The following IL1RN variants were observed in gnomAD, a reference collection of about 807,000 sequenced individuals.
IL1RN encodes the protein interleukin-1 receptor antagonist protein.
Under a neutral mutation model 13.7 loss-of-function variants are expected in IL1RN, and 10 were observed. The ratio of observed to expected loss-of-function variants is 0.73; its 90% CI spans 0.45 to 1.24. IL1RN has a LOEUF of 1.24. Among genes scored for constraint, IL1RN ranks in the 50% most tolerant of loss-of-function variants. The pLI is 0.00. For synonymous variants in IL1RN, 102 were observed against 82.7 expected (o/e 1.23, Z -1.27); for missense variants, 213 against 222.1 (o/e 0.96, Z 0.26).
upstream of IL1RN, among the ~76,000 whole-genome samples, chr2:113,124,439 GC>G (rs4251999): frequency 0.43 from 65,508 of 150,976 alleles, 14,472 homozygotes; most frequent in East Asian, 0.66. Flanking sequence ...GTGATTGACA[GC>G]CCCCCCCCTT....
chr2:113,129,403 C>CCATTGTCAGCCTCAGTCTTCT (rs1222542893), intron 1 of IL1RN, among the ~76,000 whole-genome samples, 173 bp from the exon 2 acceptor site: 5 of 152,148 alleles, frequency 3.3e-5, no homozygotes, highest in African/African-American at 4.8e-5. Context: ...TGCCTCTTAA[C>CCATTGTCAGCCTCAGTCTTCT]CATTGTCAGC....
At chr2:113,131,020 G>T in intron 2 of IL1RN, 25 bp from the exon 3 acceptor site, 1 of 1,405,674 alleles carries the variant, frequency 7.1e-7, no homozygotes, top group South Asian at 1.1e-5. Flanking sequence ...CTATTAACCT[G>T]ACCCTCCCCT....
upstream of IL1RN, among the ~76,000 whole-genome samples, chr2:113,108,609 TC>T (rs896264032): frequency 6.6e-6 from 1 of 152,194 alleles, no homozygotes; most frequent in Non-Finnish European, 1.5e-5. Flanking sequence ...AACCTTAATT[TC>T]TTTTTTGCCA....
At chr2:113,120,896 G>A (rs1252676754) in intron 2 of IL1RN, among the ~76,000 whole-genome samples, 3 of 152,116 alleles carry the variant, frequency 2.0e-5, no homozygotes, top group South Asian at 2.1e-4. Context: ...AACTAAACTG[G>A]GTTTCAATCC....
upstream of IL1RN, among the ~76,000 whole-genome samples, chr2:113,105,640 C>G (rs1241417105): frequency 6.6e-6 from 1 of 152,114 alleles, no homozygotes; most frequent in African/African-American, 2.4e-5. Context: ...TTTGATCCCC[C>G]AGTTGGGTGA....
chr2:113,132,404 T>C (rs903797806), intron 3 of IL1RN, among the ~76,000 whole-genome samples: 5 of 152,146 alleles, frequency 3.3e-5, no homozygotes, highest in Admixed American at 2.6e-4. Flanking sequence ...GCCGAGATTG[T>C]GCCACTGCAC....
At chr2:113,132,272 C>A (rs1012051939) in intron 3 of IL1RN, among the ~76,000 whole-genome samples, 1 of 152,192 alleles carries the variant, frequency 6.6e-6, no homozygotes, top group East Asian at 1.9e-4. Flanking sequence ...CATGGTGAAA[C>A]CCTGTCTCTA....
intron 2 of IL1RN, among the ~76,000 whole-genome samples, chr2:113,130,516 C>G (rs1687133331): frequency 6.6e-6 from 1 of 152,244 alleles, no homozygotes; most frequent in South Asian, 2.1e-4. Context: ...TCCTATTGAC[C>G]TGGAGCACAG....
chr2:113,111,925 T>C (rs1686505517), intron 1 of IL1RN, among the ~76,000 whole-genome samples: 1 of 152,256 alleles, frequency 6.6e-6, no homozygotes, highest in Admixed American at 6.5e-5. Context: ...TAGGTGTAAG[T>C]TCATGGCCTT....
intron 1 of IL1RN, among the ~76,000 whole-genome samples, chr2:113,119,130 C>A (rs953682710): frequency 6.6e-5 from 10 of 152,204 alleles, no homozygotes; most frequent in Admixed American, 6.5e-4. Context: ...TCCTTGCACT[C>A]CTTTCTGGGT....
upstream of IL1RN, chr2:113,127,345 T>G: frequency 2.0e-6 from 1 of 509,366 alleles, no homozygotes; most frequent in Non-Finnish European, 2.5e-6. Context: ...TGTGCTCTTC[T>G]TCCCAGGAAC....
At chr2:113,123,791 G>T (rs1686861569), upstream of IL1RN, among the ~76,000 whole-genome samples, 1 of 152,174 alleles carries the variant, frequency 6.6e-6, no homozygotes, top group Non-Finnish European at 1.5e-5. Context: ...AAGAACTGTG[G>T]AGAATATACT....
chr2:113,123,011 G>C (rs1686830427), upstream of IL1RN, among the ~76,000 whole-genome samples: 1 of 152,194 alleles, frequency 6.6e-6, no homozygotes, highest in Admixed American at 6.5e-5. Context: ...TGTAATCCCA[G>C]CTACTCAGGA....
At chr2:113,127,895 A>C (rs1687019574) in intron 1 of IL1RN, among the ~76,000 whole-genome samples, 155 bp downstream of exon 1, 1 of 152,234 alleles carries the variant, frequency 6.6e-6, no homozygotes, top group East Asian at 1.9e-4. Context: ...TGTTACATGC[A>C]TGGGCTTCAG....
chr2:113,130,904 G>A (rs1687143326), intron 2 of IL1RN, 141 bp from the exon 3 acceptor site: 1 of 693,582 alleles, frequency 1.4e-6, no homozygotes, highest in Non-Finnish European at 2.6e-6. Flanking sequence ...CTGCAGACCA[G>A]GAAGATGAGA....
intron 3 of IL1RN, among the ~76,000 whole-genome samples, chr2:113,131,559 A>G (rs1449180751): frequency 6.6e-6 from 1 of 152,136 alleles, no homozygotes; most frequent in Non-Finnish European, 1.5e-5. Context: ...AGGAGACTGC[A>G]TAAGAGTGTG....
At chr2:113,108,314 G>T (rs373853645), upstream of IL1RN, among the ~76,000 whole-genome samples, 1 of 151,828 alleles carries the variant, frequency 6.6e-6, no homozygotes, top group Non-Finnish European at 1.5e-5. Flanking sequence ...CAACGTGCAG[G>T]TTTGTTACAT....
In IL1RN at chr2:113,118,147, G is replaced by A. The variant is rs565072791; in HGVS notation, c.10+119G>A. On this transcript the variant is annotated intron_variant, in intron 1 of 5. Transcript: ENST00000259206. ...GCAAGCGTCCAGGAAAATGTCAAGC[G>A]CATGGAGCTCCAGGCCTGTCTGGGG... 1.8e-4 allele frequency: 273 copies of A among 1,503,646 alleles called. 1 individual carries two copies. Among genetic ancestry groups the A allele is most frequent in the East Asian group, 2.7e-4 (12 of 44,106 alleles). 93.1% of individuals were successfully genotyped at this position (1,503,646 alleles called of 1,614,324 possible).
chr2:113,109,070 C>T (rs1350736130), upstream of IL1RN, among the ~76,000 whole-genome samples: 1 of 151,840 alleles, frequency 6.6e-6, no homozygotes, highest in Non-Finnish European at 1.5e-5. Flanking sequence ...ACCACCAACA[C>T]CCCACCCAAA....
Sources: allele counts gnomAD v4.1 joint callset (sites outside exome capture counted in the v4.1 genomes callset), GRCh38; gene constraint gnomAD v4.1.1; transcripts MANE v1.5; gene names NCBI Gene and HGNC (gene_info 2026-07-23, HGNC 2026-07-21).